Variants in CHN1 observed in about 807,000 individuals in gnomAD.
CHN1 encodes chimerin 1, also known as N-chimaerin.
A neutral mutation model predicts 59.5 loss-of-function variants in CHN1; 37 were observed. The ratio of observed to expected loss-of-function variants is 0.62; its 90% CI spans 0.48 to 0.82. The LOEUF (loss-of-function observed/expected upper bound fraction) is 0.82. CHN1 is among the 40% of genes least tolerant of loss of function. CHN1 has a pLI of 0.00. For missense variants in CHN1, 469 were observed against 571.0 expected (o/e 0.82, Z 1.82); for synonymous variants, 206 against 200.4 (o/e 1.03, Z -0.24).
rs1385113344 is a variant in CHN1, at chr2:174,812,475, A to G, written c.720T>C (p.Gly240=). 2 of 1,613,690 alleles carry G rather than the reference A, an allele frequency of 1.2e-6. No homozygotes were observed. Among genetic ancestry groups the G allele is most frequent in the African/African-American group, 2.7e-5 (2 of 74,918 alleles). Residue 240 remains glycine, a synonymous_variant, in exon 9 of 13, where the codon GGT becomes GGC. Coordinates refer to ENST00000409900, the MANE Select transcript of CHN1 (RefSeq NM_001822.7). ...IAQGVKCADC[G]LNVHKQCSKM... ...TGGAACACTGCTTATGAACATTCAA[A>G]CCACAATCTAAGAAAAGAATAAAGA...
chr2:174,889,288 C>A (rs1385258190), intron 5 of CHN1, among the ~76,000 whole-genome samples: 1 of 151,752 alleles, frequency 6.6e-6, no homozygotes, highest in East Asian at 1.9e-4. Context: ...TTTTCAAACA[C>A]ACTCAGCTAA....
intron 3 of CHN1, among the ~76,000 whole-genome samples, chr2:174,928,362 GA>G (rs1222686546): frequency 6.6e-6 from 1 of 152,078 alleles, no homozygotes. Context: ...ACATTTAAGT[GA>G]AAAAATCAAA....
At chr2:174,988,336 A>T (rs1265081544) in intron 1 of CHN1, among the ~76,000 whole-genome samples, 1 of 150,930 alleles carries the variant, frequency 6.6e-6, no homozygotes, top group Non-Finnish European at 1.5e-5. Context: ...CAGCCTGGGC[A>T]ACAGAGTGAA....
At chr2:174,853,026 T>C (rs1357226652) in intron 6 of CHN1, among the ~76,000 whole-genome samples, 3 of 152,128 alleles carry the variant, frequency 2.0e-5, no homozygotes, top group Admixed American at 2.0e-4. Context: ...CTTTTTCGTA[T>C]CAACTTTGGG....
intron 6 of CHN1, among the ~76,000 whole-genome samples, chr2:174,861,873 G>A (rs955265940): frequency 2.0e-5 from 3 of 152,074 alleles, no homozygotes; most frequent in East Asian, 1.9e-4. Flanking sequence ...TAATCTGCAG[G>A]ACCAAAACAA....
intron 5 of CHN1, among the ~76,000 whole-genome samples, chr2:174,898,919 T>C (rs1688301301): frequency 6.7e-6 from 1 of 148,504 alleles, no homozygotes; most frequent in Non-Finnish European, 1.5e-5. Flanking sequence ...AAATATGCTT[T>C]TGTTTGTCTG....
intron 3 of CHN1, among the ~76,000 whole-genome samples, chr2:174,944,164 T>C (rs1367377508): frequency 6.6e-6 from 1 of 152,196 alleles, no homozygotes; most frequent in South Asian, 2.1e-4. Context: ...ATAAAAAACT[T>C]TGAGCATATG....
intron 1 of CHN1, among the ~76,000 whole-genome samples, chr2:174,994,210 A>G (rs1290181249): frequency 2.0e-5 from 3 of 152,254 alleles, no homozygotes; most frequent in African/African-American, 7.2e-5. Context: ...GTTAAACCTC[A>G]CAGAATTTGA....
intron 5 of CHN1, among the ~76,000 whole-genome samples, chr2:174,904,333 CTCT>C (rs1688479177): frequency 6.6e-6 from 1 of 151,798 alleles, no homozygotes; most frequent in African/African-American, 2.4e-5. Context: ...TGTGTCATAC[CTCT>C]TGTCAACTTA....
chr2:174,878,124 C>T lies in CHN1; in HGVS notation c.265G>A (p.Gly89Arg), dbSNP rs1687628079. Residue 89 changes from glycine to arginine, a missense_variant, in exon 6 of 13, where the codon GGA becomes AGA. Transcript: ENST00000409900. ...AGCCTGAAGTTTCTGGTTTGACTTC[C>T]AAATCTGCCTCAATGAAATGGGAAA... is the stretch of plus-strand genomic sequence containing the variant. ...PGTYTLALRF[G>R]SQTRNFRLYY... 1 of 1,513,430 alleles carries T rather than the reference C, an allele frequency of 6.6e-7. No homozygotes were observed. Among genetic ancestry groups the T allele is most frequent in the African/African-American group, 1.4e-5 (1 of 72,186 alleles). The allele number at this position is 1,513,430 out of a possible 1,614,324, so 93.8% of individuals were successfully genotyped here. A position where few individuals can be genotyped will look rare whatever the true frequency, so the allele number is the denominator to read the frequency against.
intron 5 of CHN1, among the ~76,000 whole-genome samples, chr2:174,900,683 T>C (rs1335618852): frequency 2.0e-5 from 3 of 151,932 alleles, no homozygotes; most frequent in Admixed American, 6.6e-5. Flanking sequence ...CAGGTGCCTG[T>C]ATGCCCAGCT....
At chr2:174,802,805 C>T (rs1266455219) in intron 11 of CHN1, among the ~76,000 whole-genome samples, 2 of 151,998 alleles carry the variant, frequency 1.3e-5, no homozygotes, top group African/African-American at 2.4e-5. Flanking sequence ...TTTGGGAGGC[C>T]GAGGGGGGTG....
chr2:174,823,187 GT>G (rs1053898946), intron 8 of CHN1, among the ~76,000 whole-genome samples: 4 of 152,108 alleles, frequency 2.6e-5, no homozygotes, highest in African/African-American at 7.2e-5. Context: ...AAATCTGACA[GT>G]TACTATAGTT....
intron 1 of CHN1, among the ~76,000 whole-genome samples, chr2:174,975,666 AAAACAG>A (rs1219678788): frequency 6.6e-6 from 1 of 152,190 alleles, no homozygotes; most frequent in African/African-American, 2.4e-5. Context: ...AAAAAAAAAA[AAAACAG>A]AAGCAATGAT....
chr2:174,939,034 T>C (rs1407241462), intron 3 of CHN1, among the ~76,000 whole-genome samples: 3 of 152,176 alleles, frequency 2.0e-5, no homozygotes, highest in African/African-American at 7.2e-5. Flanking sequence ...AATTGTACAA[T>C]TTGCTTTTCT....
chr2:174,872,235 G>A (rs1298033554), intron 6 of CHN1, among the ~76,000 whole-genome samples: 3 of 152,198 alleles, frequency 2.0e-5, no homozygotes, highest in Non-Finnish European at 2.9e-5. Context: ...AGTGAGCCAT[G>A]TTTGCATCAA....
At chr2:174,856,155 A>G (rs950472764) in intron 6 of CHN1, among the ~76,000 whole-genome samples, 21 of 152,132 alleles carry the variant, frequency 1.4e-4, no homozygotes, top group African/African-American at 5.1e-4. Context: ...TAAGTCTAAC[A>G]TTAGAGACTT....
intron 1 of CHN1, among the ~76,000 whole-genome samples, chr2:174,976,124 C>T (rs1690920114): frequency 4.0e-5 from 1 of 24,830 alleles, no homozygotes; most frequent in Admixed American, 8.7e-4. Flanking sequence ...AAGACTCCGT[C>T]TCAAAAAAAA....
chr2:174,933,143 G>A (rs1445435025), intron 3 of CHN1, among the ~76,000 whole-genome samples: 1 of 152,196 alleles, frequency 6.6e-6, no homozygotes, highest in Non-Finnish European at 1.5e-5. Context: ...TTAGACATAT[G>A]AGAGGGGATG....
Sources: gnomAD v4.1 joint callset for allele counts (sites outside exome capture counted in the v4.1 genomes callset) on GRCh38, gnomAD v4.1.1 for gene constraint, MANE v1.5 for transcripts, NCBI Gene and HGNC (gene_info 2026-07-23, HGNC 2026-07-21) for gene names.